THNSL2: variants seen among roughly 807,000 people sequenced by gnomAD.
THNSL2 encodes threonine synthase-like 2.
In THNSL2, 34 loss-of-function variants were observed where a neutral mutation model predicts 40.0. The ratio of observed to expected loss-of-function variants is 0.85; its 90% CI spans 0.65 to 1.13. The LOEUF (loss-of-function observed/expected upper bound fraction) is 1.13, where lower values mean the gene tolerates loss of function less well. Ranked by LOEUF, THNSL2 falls within the 50% of genes most tolerant of loss-of-function variation. The pLI, the probability that THNSL2 is intolerant of heterozygous loss-of-function variation, is 0.00. For missense variants in THNSL2, 537 were observed against 608.8 expected, an observed-to-expected ratio of 0.88 and a Z score of 1.24; for synonymous variants, 241 against 247.5, an observed-to-expected ratio of 0.97 and a Z score of 0.25.
intron 5 of THNSL2, 38 bp downstream of exon 5, chr2:88,179,051 A>G: frequency 6.2e-7 from 1 of 1,603,338 alleles, no homozygotes; most frequent in Non-Finnish European, 8.5e-7. Context: ...CTTTCCAGAA[A>G]AATGCCTGTG....
intron 4 of THNSL2, among the ~76,000 whole-genome samples, chr2:88,177,787 G>A (rs947006674): frequency 6.6e-6 from 1 of 152,234 alleles, no homozygotes; most frequent in Non-Finnish European, 1.5e-5. Context: ...ACATGTCCTT[G>A]TGGTTCACTG....
intron 4 of THNSL2, chr2:88,175,659 A>C (rs1676847508): frequency 7.1e-6 from 3 of 419,782 alleles, no homozygotes; most frequent in Admixed American, 8.1e-5. Context: ...ACCATACCCC[A>C]AAAAATGCCA....
rs1677843441 is a variant in THNSL2, at chr2:88,182,858, G to GAAT, written c.951+11_951+12insAAT. 3.1e-6 allele frequency: 5 copies of GAAT among 1,613,886 alleles called. No homozygotes were observed. The East Asian group carries it at 1.1e-4, about 36-fold the overall frequency. ...GCTATGGACATTCAGGTAGGCCTGG[G>GAAT]GGAGGTGTGCAGATCTGGCCCAGGT... On this transcript the variant is annotated intron_variant, in intron 6 of 8. Coordinates refer to ENST00000674334, the MANE Select transcript of THNSL2 (RefSeq NM_018271.5).
chr2:88,173,008 C>G (rs1474289180), intron 1 of THNSL2, 131 bp from the exon 2 acceptor site: 3 of 504,464 alleles, frequency 5.9e-6, no homozygotes, highest in African/African-American at 5.8e-5. Context: ...ACTGCCATCT[C>G]TAGGTCTGGG....
chr2:88,180,571 C>CA (rs750048685), intron 5 of THNSL2, among the ~76,000 whole-genome samples: 3,583 of 93,616 alleles, frequency 0.038, 129 homozygotes, highest in African/African-American at 0.099. Flanking sequence ...GACTCAGTCT[C>CA]AAAAAAAAAA....
chr2:88,182,715 A>T lies in THNSL2; in HGVS notation c.819A>T (p.Gln273His). Residue 273 changes from glutamine to histidine, a missense_variant, in exon 6 of 9, where the codon CAA becomes CAT. By Grantham distance (24) the Gln-to-His change is conservative. Transcript: ENST00000674334. ...AGNLAAGYIA[Q>H]KIGLPIRLVV... ...TGTCTTAAGCTGGGTACATTGCTCA[A>T]AAGATAGGCCTGCCCATCCGTCTGG... The T allele has an allele frequency of 6.2e-7, 1 of 1,612,522 alleles. No homozygotes were observed. Among genetic ancestry groups the T allele is most frequent in the South Asian group, 1.1e-5 (1 of 90,992 alleles).
At chr2:88,172,475 T>G (rs1558882324) in intron 1 of THNSL2, 1 of 152,254 alleles carries the variant, frequency 6.6e-6, no homozygotes, top group Non-Finnish European at 1.5e-5. Flanking sequence ...GACATGGGAC[T>G]TGCAGTTTTA....
rs748203932 is a variant in THNSL2, at chr2:88,182,764, A to T, written c.868A>T (p.Ile290Phe). 1 of 1,614,184 alleles carries T rather than the reference A, an allele frequency of 6.2e-7. No homozygotes were observed. Among genetic ancestry groups the T allele is most frequent in the South Asian group, 1.1e-5 (1 of 91,084 alleles). Reference sequence around the variant, plus strand: ...GGTCGTGGCAGTGAACCGCAATGACATCATCCACAGGACTGTCCAGCAGGG... The same window carrying T: ...GGTCGTGGCAGTGAACCGCAATGACTTCATCCACAGGACTGTCCAGCAGGG... ...RLVVAVNRNDIIHRTVQQGDF... is the reference protein window; with the variant it reads ...RLVVAVNRNDFIHRTVQQGDF... Residue 290 changes from isoleucine (I) to phenylalanine (F), a missense_variant, in exon 6 of 9, where the codon ATC becomes TTC. Transcript: ENST00000674334.
intron 1 of THNSL2, chr2:88,172,798 G>T: frequency 5.5e-6 from 1 of 181,996 alleles, no homozygotes; most frequent in East Asian, 1.3e-4. Context: ...ATATCAAGCT[G>T]GCAGTTGCCT....
At chr2:88,185,810 CT>C (rs758870091) in intron 8 of THNSL2, 87 bp from the exon 9 acceptor site, 165 of 1,540,002 alleles carry the variant, frequency 1.1e-4, no homozygotes, top group Non-Finnish European at 1.4e-4. Flanking sequence ...TAAACTTCCT[CT>C]GTTTCTTATT....
rs1284664503 is a variant in THNSL2, at chr2:88,186,452, C to G, written c.*329C>G. On this transcript the variant is annotated 3_prime_UTR_variant, in exon 9 of 9. Transcript: ENST00000674334. ...ACCATGGCTCCAGGGGTTTAGGACC[C>G]CAGACCTGTGAAGGTGGGAGCAGCT... is the stretch of plus-strand genomic sequence containing the variant. 5 of 315,126 alleles carry G rather than the reference C, an allele frequency of 1.6e-5. 1 individual carries two copies. The Admixed American group carries it at 2.0e-4, about 13-fold the overall frequency. 19.5% of individuals were successfully genotyped at this position (315,126 alleles called of 1,614,324 possible).
rs75839852 is a variant in THNSL2, at chr2:88,175,231, T to G, written c.419-18T>G. On this transcript the variant is annotated intron_variant, in intron 3 of 8. Transcript: ENST00000674334. ...CCTTTGTTCTAAAGGGGGAGAGTTC[T>G]CCTTTCTTCCCATCCAGGAACATCT... 4.6e-3 allele frequency: 7,419 copies of G among 1,611,204 alleles called. 284 individuals are homozygous for G. The East Asian group carries it at 0.092, about 20-fold the overall frequency.
At chr2:88,179,744 GA>G (rs1307450391) in intron 5 of THNSL2, among the ~76,000 whole-genome samples, 1 of 152,162 alleles carries the variant, frequency 6.6e-6, no homozygotes, top group Non-Finnish European at 1.5e-5. Flanking sequence ...TTTCACATAT[GA>G]ACTCATTTAT....
At chr2:88,174,270 T>C (rs1243168981) in intron 2 of THNSL2, among the ~76,000 whole-genome samples, 1 of 152,130 alleles carries the variant, frequency 6.6e-6, no homozygotes, top group Non-Finnish European at 1.5e-5. Flanking sequence ...GCTTCCTATC[T>C]TTAGGAAGGA....
At chr2:88,177,200 G>A (rs1003431556) in intron 4 of THNSL2, 4 of 152,254 alleles carry the variant, frequency 2.6e-5, no homozygotes, top group African/African-American at 9.6e-5. Flanking sequence ...TAAGACAGCA[G>A]ACTTCACAGA....
In THNSL2 at chr2:88,175,325, G is replaced by A. The variant is rs1395201483; in HGVS notation, c.495G>A (p.Leu165=). Reference sequence around the variant, plus strand: ...AGAACATGGACATTATCGTTCTGCTGCCCAAAGGTCACTGCACAAAGATTC... The same window carrying A: ...AGAACATGGACATTATCGTTCTGCTACCCAAAGGTCACTGCACAAAGATTC... ...GAKNMDIIVL[L]PKGHCTKIQE... Residue 165 remains leucine (L), a synonymous_variant, in exon 4 of 9, where the codon CTG becomes CTA. Coordinates refer to ENST00000674334, the MANE Select transcript of THNSL2 (RefSeq NM_018271.5). 32 of 1,614,098 alleles carry A rather than the reference G, an allele frequency of 2.0e-5. No homozygotes were observed. Among genetic ancestry groups the A allele is most frequent in the Non-Finnish European group, 2.6e-5 (31 of 1,180,044 alleles).
At chr2:88,174,378 T>TA (rs78516319) in intron 2 of THNSL2, among the ~76,000 whole-genome samples, 61,780 of 151,940 alleles carry the variant, frequency 0.41, 13,083 homozygotes, top group African/African-American at 0.49. Context: ...TGAAGAAGTA[T>TA]AAAAAATGAA....
At position 88,170,449 on chromosome 2, in the gene THNSL2, C is replaced by CCGCGCCCCG. The variant is rs967215941; in HGVS notation, c.-17_-16insGCCCCGCGC. 1.3e-5 allele frequency: 2 copies of CCGCGCCCCG among 151,796 alleles called. No individual in the cohort carries two copies. Among genetic ancestry groups the CCGCGCCCCG allele is most frequent in the Non-Finnish European group, 3.0e-5 (2 of 67,730 alleles). The allele number at this position is 151,796 out of a possible 1,614,324, so 9.4% of individuals were successfully genotyped here. A position where few individuals can be genotyped will look rare whatever the true frequency, so the allele number is the denominator to read the frequency against. ...CGCCCCGCGCCCCGCGCCCCGCGCC[C>CCGCGCCCCG]CGCACCGGTAACGCGCGCCAACCTC... On this transcript the variant is annotated 5_prime_UTR_variant, in exon 1 of 9. Transcript: ENST00000674334.
chr2:88,180,196 C>T (rs1026347784), intron 5 of THNSL2, among the ~76,000 whole-genome samples: 2 of 152,350 alleles, frequency 1.3e-5, no homozygotes, highest in South Asian at 4.1e-4. Context: ...AAACACGTGA[C>T]CAACATTTGC....
Sources: gnomAD v4.1 joint callset for allele counts (sites outside exome capture counted in the v4.1 genomes callset) on GRCh38, gnomAD v4.1.1 for gene constraint, MANE v1.5 for transcripts, NCBI Gene and HGNC (gene_info 2026-07-23, HGNC 2026-07-21) for gene names.